The following DST variants were observed in gnomAD, a reference collection of about 807,000 sequenced individuals.
DST encodes dystonin.
In DST, 253 loss-of-function variants were observed where a neutral mutation model predicts 875.2. The ratio of observed to expected loss-of-function variants is 0.29; its 90% CI spans 0.26 to 0.32. DST has a LOEUF of 0.32. DST is among the 10% of genes least tolerant of loss of function. The pLI, the probability that DST is intolerant of heterozygous loss-of-function variation, is 1.00. For missense variants in DST, 8,287 were observed against 9,111.6 expected (o/e 0.91, Z 3.68); for synonymous variants, 3,124 against 3,197.1 (o/e 0.98, Z 0.77).
At chr6:56,562,565 G>T (rs1291742541) in intron 55 of DST, among the ~76,000 whole-genome samples, 1 of 149,390 alleles carries the variant, frequency 6.7e-6, no homozygotes, top group Non-Finnish European at 1.5e-5. Context: ...TGGAGCTTTA[G>T]TTTTTTTTTA....
At chr6:56,695,126 C>CAAAAAAAAAAAAAAAAAAAAAAAAAA (rs34456344) in intron 9 of DST, among the ~76,000 whole-genome samples, 1 of 70,096 alleles carries the variant, frequency 1.4e-5, no homozygotes, top group African/African-American at 5.5e-5. Context: ...GACTCCCTCT[C>CAAAAAAAAAAAAAAAAAAAAAAAAAA]AAAAAAAAAA....
chr6:56,639,745 G>A lies in DST; in HGVS notation c.2648C>T (p.Thr883Ile), dbSNP rs773486375. Reference protein sequence around the residue: ...EIQMTAPLKLTYAEKLHRLES... With the variant: ...EIQMTAPLKLIYAEKLHRLES... Reference sequence around the variant, plus strand: ...TAATCTGTGCAACTTTTCTGCATAAGTCAGTTTAAGAGGTGCTGTCATTTG... The same window carrying A: ...TAATCTGTGCAACTTTTCTGCATAAATCAGTTTAAGAGGTGCTGTCATTTG... Residue 883 changes from threonine to isoleucine, a missense_variant, in exon 20 of 104, where the codon ACT (threonine) becomes ATT (isoleucine). Thr to Ile is a moderately conservative substitution (Grantham distance 89, BLOSUM62 -1). This residue lies in a region of DST where 1,160 missense variants were observed against 1,424.3 expected (regional missense o/e 0.81). Coordinates refer to ENST00000680361, the MANE Select transcript of DST (RefSeq NM_001374736.1). The A allele has an allele frequency of 6.2e-7, 1 of 1,613,546 alleles. No homozygotes were observed. Among genetic ancestry groups the A allele is most frequent in the South Asian group, 1.1e-5 (1 of 91,050 alleles).
chr6:56,573,257 A>G (rs2097804107), intron 51 of DST, among the ~76,000 whole-genome samples, 193 bp from the exon 52 acceptor site: 1 of 152,180 alleles, frequency 6.6e-6, no homozygotes, highest in Admixed American at 6.5e-5. Flanking sequence ...GAGAGAGTGA[A>G]GAACAGCTGG....
rs758223582 is a variant in DST at position 56,607,860 on chromosome 6, T to C, written c.6768A>G (p.Ser2256=). Residue 2256 remains serine, a synonymous_variant, in exon 40 of 104, where the codon TCA becomes TCG. Transcript: ENST00000680361. ...AIKECLDVLS[S]SGVFLNNASG... is the part of the protein sequence containing the mutation. ...AAGCATTATTAAGAAATACACCAGA[T>C]GAGCTTAAGACATCGAGACATTCTT... 2 of 1,613,404 alleles carry C rather than the reference T, an allele frequency of 1.2e-6. No individual in the cohort carries two copies. The highest frequency in any genetic ancestry group is 1.1e-5 in the South Asian group (1 of 91,078).
rs567684396 is a variant in DST, at chr6:56,729,772, C to T, written c.687+5456G>A. Among the ~76,000 whole-genome samples the T allele has an allele frequency of 9.2e-5, 14 of 152,150 alleles. No individual in the cohort carries two copies. In the East Asian group the frequency reaches 2.7e-3, roughly 29 times the overall value. ...AGCTTGAGGATTTATATTATCTTCC[C>T]GCCACCAAATCAGAAAATAAAGAAC... On this transcript the variant is annotated intron_variant, in intron 5 of 103. Coordinates refer to ENST00000680361, the MANE Select transcript of DST (RefSeq NM_001374736.1).
intron 82 of DST, among the ~76,000 whole-genome samples, chr6:56,495,446 G>C (rs1207099358): frequency 6.6e-6 from 1 of 151,866 alleles, no homozygotes; most frequent in Non-Finnish European, 1.5e-5. Flanking sequence ...ATTCTTAAAG[G>C]TAGGTTCTTT....
chr6:56,599,091 T>C (rs749741579), intron 45 of DST, among the ~76,000 whole-genome samples: 1 of 152,110 alleles, frequency 6.6e-6, no homozygotes, highest in Non-Finnish European at 1.5e-5. Context: ...TTTTAATGTG[T>C]TTATCACTCA....
At chr6:56,905,601 A>T (rs1233629925) in intron 2 of DST, among the ~76,000 whole-genome samples, 1 of 151,714 alleles carries the variant, frequency 6.6e-6, no homozygotes, top group Non-Finnish European at 1.5e-5. Flanking sequence ...TTCATTTTTT[A>T]AGGCTGAGTA....
At chr6:56,501,488 T>A in intron 79 of DST, 32 bp downstream of exon 79, 2 of 1,428,454 alleles carry the variant, frequency 1.4e-6, no homozygotes, top group Non-Finnish European at 1.9e-6. Context: ...ATTGAAAATT[T>A]ATAATTTCTT....
At chr6:56,646,210 G>T in intron 13 of DST, 28 bp from the exon 14 acceptor site, 2 of 1,276,274 alleles carry the variant, frequency 1.6e-6, no homozygotes, top group South Asian at 1.4e-5. Context: ...AGAAATTAAG[G>T]ACCAAACTTA....
Position 56,627,993 on chromosome 6 carries a change from A to G in DST, c.4638+6T>C. 5 of 1,613,352 alleles carry G rather than the reference A, an allele frequency of 3.1e-6. No individual in the cohort carries two copies. Among genetic ancestry groups the G allele is most frequent in the Non-Finnish European group, 4.2e-6 (5 of 1,179,338 alleles). On this transcript the variant is annotated splice_donor_region_variant and intron_variant, in intron 33 of 103. Transcript: ENST00000680361. Reference sequence around the variant, plus strand: ...AACCTCAGTAGAGGGAATTATTTTTACATACCTTCTGTTGATTCAACTGTG... The same window carrying G: ...AACCTCAGTAGAGGGAATTATTTTTGCATACCTTCTGTTGATTCAACTGTG...
At chr6:56,723,543 A>G (rs1476623463) in intron 5 of DST, among the ~76,000 whole-genome samples, 1 of 152,010 alleles carries the variant, frequency 6.6e-6, no homozygotes, top group African/African-American at 2.4e-5. Context: ...CAACCTGGGC[A>G]AAAAGAGCCA....
At chr6:56,880,801 T>C (rs1414963907) in intron 3 of DST, among the ~76,000 whole-genome samples, 1 of 150,160 alleles carries the variant, frequency 6.7e-6, no homozygotes. Flanking sequence ...AATGAAATAC[T>C]TAATATAGTC....
intron 85 of DST, among the ~76,000 whole-genome samples, chr6:56,491,179 AT>A (rs1488628385): frequency 6.6e-6 from 1 of 152,214 alleles, no homozygotes; most frequent in African/African-American, 2.4e-5. Flanking sequence ...AATGGGGTCT[AT>A]GGTGTGTAAT....
chr6:56,743,978 T>A (rs922424773), intron 4 of DST, among the ~76,000 whole-genome samples: 1 of 151,870 alleles, frequency 6.6e-6, no homozygotes, highest in Non-Finnish European at 1.5e-5. Flanking sequence ...TGAAACCCCA[T>A]CTCTACTAAA....
intron 5 of DST, among the ~76,000 whole-genome samples, chr6:56,722,131 C>A (rs1375231215): frequency 1.3e-5 from 2 of 151,836 alleles, no homozygotes; most frequent in African/African-American, 4.8e-5. Flanking sequence ...AAAAAAAGGT[C>A]ATGACTGGAT....
chr6:56,500,992 C>A, intron 80 of DST, 88 bp downstream of exon 80: 3 of 1,281,152 alleles, frequency 2.3e-6, no homozygotes, highest in Non-Finnish European at 2.1e-6. Flanking sequence ...AAACTTGAAA[C>A]ACGCATAAAG....
intron 2 of DST, among the ~76,000 whole-genome samples, chr6:56,905,919 G>C (rs2127704423): frequency 6.6e-6 from 1 of 152,188 alleles, no homozygotes; most frequent in South Asian, 2.1e-4. Context: ...AAAGTGCTGG[G>C]ATTACAGGTG....
chr6:56,770,114 T>C (rs1406191214), intron 4 of DST, among the ~76,000 whole-genome samples: 1 of 152,214 alleles, frequency 6.6e-6, no homozygotes, highest in Non-Finnish European at 1.5e-5. Context: ...ATTCTGGTGT[T>C]ATAACTTAAT....
Sources: gnomAD v4.1 joint callset for allele counts (sites outside exome capture counted in the v4.1 genomes callset) on GRCh38, gnomAD v4.1.1 for gene constraint, gnomAD v4.1.1 regional missense constraint, MANE v1.5 for transcripts, NCBI Gene and HGNC (gene_info 2026-07-23, HGNC 2026-07-21) for gene names.